Variants in CCSER1 observed in about 807,000 individuals in gnomAD.
CCSER1 encodes the protein coiled-coil serine rich protein 1.
In CCSER1, 41 loss-of-function variants were observed where a neutral mutation model predicts 82.0. The ratio of observed to expected loss-of-function variants is 0.50; its 90% CI spans 0.39 to 0.65. The LOEUF is 0.65. Among genes scored for constraint, CCSER1 ranks in the 30% least tolerant of loss-of-function variants. CCSER1 has a pLI of 0.00. For synonymous variants in CCSER1, 414 were observed against 383.9 expected (o/e 1.08, Z -0.92); for missense variants, 1,119 against 1,064.2 (o/e 1.05, Z -0.72).
At chr4:90,148,451 A>T (rs1726223337) in intron 1 of CCSER1, among the ~76,000 whole-genome samples, 1 of 152,112 alleles carries the variant, frequency 6.6e-6, no homozygotes, top group African/African-American at 2.4e-5. Context: ...ACATTATAAA[A>T]CAAACAAAAG....
At position 90,305,137 on chromosome 4, in the gene CCSER1, C is replaced by T. The variant is rs543486084; in HGVS notation, c.-41-3107C>T. On this transcript the variant is annotated intron_variant, in intron 1 of 10. Transcript: ENST00000509176. ...TTCACCGTGTTAGCCAGGATGGTCT[C>T]AATCTCCTGACCTCGTGATCTGCCT... 3.9e-5 allele frequency among the ~76,000 whole-genome samples: 6 copies of T among 152,234 alleles called. No individual in the cohort carries two copies. In the East Asian group the frequency reaches 1.2e-3, roughly 30 times the overall value.
At chr4:91,474,812 T>TTTGTGTATATATATATATATACACAC (rs1757491104) in intron 10 of CCSER1, among the ~76,000 whole-genome samples, 1 of 66,122 alleles carries the variant, frequency 1.5e-5, no homozygotes, top group South Asian at 7.4e-4. Context: ...TATATATATA[T>TTTGTGTATATATATATATATACACAC]ACACACACAC....
chr4:91,251,913 G>C (rs79701236), intron 10 of CCSER1, among the ~76,000 whole-genome samples: 4,079 of 152,214 alleles, frequency 0.027, 215 homozygotes, highest in East Asian at 0.22. Context: ...GGTTAGGGTA[G>C]AGAGAATATT....
intron 10 of CCSER1, among the ~76,000 whole-genome samples, chr4:91,426,971 T>A (rs1754019862): frequency 6.6e-6 from 1 of 152,164 alleles, no homozygotes. Flanking sequence ...CCCCATTTTC[T>A]AGGTGAGGAG....
At chr4:90,537,858 C>A (rs1775608603) in intron 5 of CCSER1, among the ~76,000 whole-genome samples, 1 of 152,102 alleles carries the variant, frequency 6.6e-6, no homozygotes, top group African/African-American at 2.4e-5. Context: ...TTTTATCTTG[C>A]AAGACCCTAA....
intron 6 of CCSER1, among the ~76,000 whole-genome samples, chr4:90,687,314 C>T (rs1734990607): frequency 6.6e-6 from 1 of 152,010 alleles, no homozygotes; most frequent in Non-Finnish European, 1.5e-5. Flanking sequence ...CTCTGCATCT[C>T]ATTTGCTCAT....
At chr4:91,372,864 A>G (rs1403597565) in intron 10 of CCSER1, among the ~76,000 whole-genome samples, 1 of 152,144 alleles carries the variant, frequency 6.6e-6, no homozygotes, top group Non-Finnish European at 1.5e-5. Flanking sequence ...GCAACGCTAA[A>G]GTCATCTGTC....
chr4:91,072,877 C>T (rs1721579882), intron 9 of CCSER1, among the ~76,000 whole-genome samples: 1 of 151,954 alleles, frequency 6.6e-6, no homozygotes, highest in Non-Finnish European at 1.5e-5. Flanking sequence ...ATGCCTGGCA[C>T]CTAGTCAGAC....
intron 10 of CCSER1, among the ~76,000 whole-genome samples, chr4:91,273,191 A>T (rs1742177283): frequency 6.6e-6 from 1 of 151,938 alleles, no homozygotes; most frequent in Non-Finnish European, 1.5e-5. Flanking sequence ...TTTTGACAGT[A>T]TAGTCATTTT....
intron 5 of CCSER1, among the ~76,000 whole-genome samples, chr4:90,522,102 A>G (rs775364044): frequency 6.6e-6 from 1 of 152,176 alleles, no homozygotes; most frequent in Non-Finnish European, 1.5e-5. Context: ...GATTTCTGTC[A>G]TTGAGTTTCA....
chr4:91,150,725 C>T (rs1730091839), intron 10 of CCSER1, among the ~76,000 whole-genome samples: 1 of 150,502 alleles, frequency 6.6e-6, no homozygotes, highest in South Asian at 2.1e-4. Context: ...GCCTTTTCTG[C>T]ATCATGTGGT....
At chr4:91,447,390 C>G (rs1335428277) in intron 10 of CCSER1, among the ~76,000 whole-genome samples, 1 of 48,934 alleles carries the variant, frequency 2.0e-5, no homozygotes, top group Non-Finnish European at 4.0e-5. Flanking sequence ...TACACTCCCC[C>G]CTAAACCTGC....
At position 90,881,657 on chromosome 4, in the gene CCSER1, C is replaced by T. The variant is rs955576246; in HGVS notation, c.2095-41713C>T. On this transcript the variant is annotated intron_variant, in intron 8 of 10. Transcript: ENST00000509176. Reference sequence around the variant, plus strand: ...AAAATTGGCCAGGCTTGGTGGCACACGCCTGTGGTCCTGGCTACTGAGGAG... The same window carrying T: ...AAAATTGGCCAGGCTTGGTGGCACATGCCTGTGGTCCTGGCTACTGAGGAG... 7.2e-5 allele frequency among the ~76,000 whole-genome samples: 11 copies of T among 152,182 alleles called. 1 individual carries two copies. Among genetic ancestry groups the T allele is most frequent in the Admixed American group, 1.3e-4 (2 of 15,286 alleles).
chr4:91,230,690 T>C (rs1265804298), intron 10 of CCSER1, among the ~76,000 whole-genome samples: 1 of 151,874 alleles, frequency 6.6e-6, no homozygotes, highest in African/African-American at 2.4e-5. Context: ...GATAATACAA[T>C]ATTTTTATAT....
intron 2 of CCSER1, among the ~76,000 whole-genome samples, chr4:90,310,807 G>A (rs1273099615): frequency 6.6e-6 from 1 of 151,984 alleles, no homozygotes; most frequent in Non-Finnish European, 1.5e-5. Flanking sequence ...ACGAGTAATA[G>A]GATTATAAAG....
chr4:91,083,583 CA>C (rs879616880), intron 9 of CCSER1, among the ~76,000 whole-genome samples: 4 of 151,076 alleles, frequency 2.6e-5, no homozygotes, highest in Non-Finnish European at 4.4e-5. Context: ...AAAATAAAAA[CA>C]AAAAAACTAT....
At chr4:90,771,820 T>G (rs1038936957) in intron 7 of CCSER1, among the ~76,000 whole-genome samples, 1 of 152,112 alleles carries the variant, frequency 6.6e-6, no homozygotes, top group Non-Finnish European at 1.5e-5. Context: ...ATCCTCTGGT[T>G]TCCTGTTACT....
At chr4:91,525,508 T>G (rs1321253350) in intron 10 of CCSER1, among the ~76,000 whole-genome samples, 1 of 152,170 alleles carries the variant, frequency 6.6e-6, no homozygotes, top group Admixed American at 6.5e-5. Flanking sequence ...TCCACTGTGA[T>G]TATAAACTAT....
intron 8 of CCSER1, 109 bp downstream of exon 8, chr4:90,815,954 A>G (rs981807971): frequency 1.6e-6 from 1 of 630,158 alleles, no homozygotes. Context: ...AAATCCTTCC[A>G]GTGGTTCAAT....
Sources: allele counts gnomAD v4.1 joint callset (sites outside exome capture counted in the v4.1 genomes callset), GRCh38; gene constraint gnomAD v4.1.1; transcripts MANE v1.5; gene names NCBI Gene and HGNC (gene_info 2026-07-23, HGNC 2026-07-21).